The following CFAP54 variants were observed in gnomAD, a reference collection of about 807,000 sequenced individuals.
The protein encoded by CFAP54 is cilia- and flagella-associated protein 54.
CFAP54 carries 290 observed loss-of-function variants against 370.4 expected under a neutral mutation model. The observed-to-expected ratio is 0.78, with a 90% CI of 0.71 to 0.86. The LOEUF is 0.86. Ranked by LOEUF, CFAP54 falls within the 40% of genes least tolerant of loss-of-function variation. CFAP54 has a pLI of 0.00. For synonymous variants in CFAP54, 1,206 were observed against 1,236.5 expected (o/e 0.98, Z 0.52); for missense variants, 3,399 against 3,528.7 (o/e 0.96, Z 0.93).
intron 8 of CFAP54, among the ~76,000 whole-genome samples, chr12:96,523,697 T>A (rs1592830783): frequency 2.4e-5 from 1 of 41,986 alleles, no homozygotes; most frequent in Non-Finnish European, 4.9e-5. Context: ...AACAATTTTT[T>A]TTTTCTCCCC....
chr12:96,794,439 C>CT (rs35900285), intron 63 of CFAP54, among the ~76,000 whole-genome samples: 49,625 of 145,414 alleles, frequency 0.34, 8,479 homozygotes, highest in South Asian at 0.54. Flanking sequence ...TTTTTTTATT[C>CT]TTTTTTTTTT....
chr12:96,644,657 A>G (rs1237522027), intron 33 of CFAP54, among the ~76,000 whole-genome samples: 5 of 152,166 alleles, frequency 3.3e-5, no homozygotes, highest in Admixed American at 6.6e-5. Context: ...TAATCATGGT[A>G]GAAGGGGAAG....
chr12:96,812,173 T>G (rs1958934756), intron 64 of CFAP54, among the ~76,000 whole-genome samples: 1 of 152,334 alleles, frequency 6.6e-6, no homozygotes, highest in South Asian at 2.1e-4. Context: ...TCATACATGC[T>G]TCATAGAGAT....
chr12:96,538,672 C>G (rs1163897989), intron 13 of CFAP54, 154 bp downstream of exon 13: 18 of 708,298 alleles, frequency 2.5e-5, no homozygotes, highest in Non-Finnish European at 3.6e-5. Context: ...CTTTCTAGCG[C>G]TGAGTGACCC....
intron 60 of CFAP54, among the ~76,000 whole-genome samples, chr12:96,781,534 G>T (rs796565932): frequency 6.6e-5 from 10 of 152,158 alleles, no homozygotes; most frequent in African/African-American, 2.4e-4. Flanking sequence ...ACAATGAAGG[G>T]TTTGTTATGG....
chr12:96,630,621 C>A lies in CFAP54; in HGVS notation c.4286C>A (p.Pro1429Gln). ...CTAAGAGATTTCATTTTTAAAAATC[C>A]GGCTATTTCTGAAATGGTGGCACAT... ...ETLRDFIFKN[P>Q]AISEMVAHER... The change falls in exon 32 of 68, where the codon CCG (proline) becomes CAG (glutamine). Residue 1429 changes from proline (P) to glutamine (Q), a missense_variant. Physicochemically the swap from Pro to Gln is moderately conservative, Grantham distance 76. This residue lies in a region of CFAP54 where 2,796 missense variants were observed against 2,869.7 expected (regional missense o/e 0.97). Transcript: ENST00000524981. The A allele has an allele frequency of 6.7e-7, 1 of 1,494,710 alleles. No individual in the cohort carries two copies. Among genetic ancestry groups the A allele is most frequent in the Non-Finnish European group, 8.9e-7 (1 of 1,128,556 alleles). The allele number at this position is 1,494,710 out of a possible 1,614,324, so 92.6% of individuals were successfully genotyped here. A position where few individuals can be genotyped will look rare whatever the true frequency, so the allele number is the denominator to read the frequency against.
chr12:96,756,952 G>A (rs887033415), intron 57 of CFAP54, among the ~76,000 whole-genome samples: 1 of 152,118 alleles, frequency 6.6e-6, no homozygotes, highest in African/African-American at 2.4e-5. Flanking sequence ...TCTTAATTCT[G>A]TATGAATATC....
At chr12:96,556,466 A>C (rs946955748) in intron 17 of CFAP54, among the ~76,000 whole-genome samples, 2 of 151,882 alleles carry the variant, frequency 1.3e-5, no homozygotes, top group African/African-American at 4.8e-5. Flanking sequence ...CAATTGTATT[A>C]GTTTGCCATT....
intron 48 of CFAP54, among the ~76,000 whole-genome samples, chr12:96,715,765 G>A (rs117058688): frequency 0.01 from 1,565 of 152,170 alleles, 8 homozygotes; most frequent in Non-Finnish European, 0.015. Flanking sequence ...ATTGGAATTC[G>A]TTGAGATGCT....
intron 66 of CFAP54, among the ~76,000 whole-genome samples, chr12:96,831,222 A>G (rs1156530823): frequency 2.0e-5 from 3 of 152,198 alleles, no homozygotes; most frequent in Non-Finnish European, 4.4e-5. Context: ...AACCAGCAAC[A>G]AAGATTCCAC....
intron 9 of CFAP54, among the ~76,000 whole-genome samples, chr12:96,532,644 A>G (rs1955452223): frequency 6.6e-6 from 1 of 151,794 alleles, no homozygotes; most frequent in African/African-American, 2.4e-5. Context: ...TTTTTGAGAC[A>G]GGATCTCACT....
intron 63 of CFAP54, among the ~76,000 whole-genome samples, chr12:96,804,146 G>A (rs908115011): frequency 6.6e-6 from 1 of 152,000 alleles, no homozygotes; most frequent in Non-Finnish European, 1.5e-5. Context: ...AAGAATCTCA[G>A]AACTTGAATA....
At chr12:96,595,211 C>T (rs1201534255) in intron 25 of CFAP54, among the ~76,000 whole-genome samples, 3 of 152,112 alleles carry the variant, frequency 2.0e-5, no homozygotes, top group Non-Finnish European at 4.4e-5. Flanking sequence ...GGCCCTTTGC[C>T]TTTTCAAGGC....
chr12:96,729,258 G>A (rs1285332469), intron 50 of CFAP54, among the ~76,000 whole-genome samples: 1 of 152,148 alleles, frequency 6.6e-6, no homozygotes, highest in Non-Finnish European at 1.5e-5. Flanking sequence ...CTGTCTTTTT[G>A]TTTGTCTGTG....
chr12:96,603,062 T>C (rs1180003811), intron 26 of CFAP54, among the ~76,000 whole-genome samples: 1 of 152,234 alleles, frequency 6.6e-6, no homozygotes, highest in East Asian at 1.9e-4. Context: ...CAATGGTCTT[T>C]ACAATTTGGC....
chr12:96,527,165 G>A, intron 8 of CFAP54, 81 bp from the exon 9 acceptor site: 1 of 1,247,202 alleles, frequency 8.0e-7, no homozygotes, highest in Non-Finnish European at 1.1e-6. Context: ...CCAAAGTGTT[G>A]GGATTATAGG....
chr12:96,547,379 G>T lies in CFAP54; in HGVS notation c.2078-523G>T, dbSNP rs571848845. 2.2e-4 allele frequency among the ~76,000 whole-genome samples: 34 copies of T among 152,170 alleles called. No homozygotes were observed. The South Asian group carries it at 7.1e-3, about 32-fold the overall frequency. ...TTTTTGTATTTTTAGTAGAGGTGGG[G>T]TTTCATCATGTTGGCCAGGCTGGTC... On this transcript the variant is annotated intron_variant, in intron 14 of 67. Coordinates refer to ENST00000524981, the MANE Select transcript of CFAP54 (RefSeq NM_001306084.2).
chr12:96,596,842 T>C (rs1357423039), intron 25 of CFAP54, among the ~76,000 whole-genome samples: 1 of 151,974 alleles, frequency 6.6e-6, no homozygotes, highest in Non-Finnish European at 1.5e-5. Flanking sequence ...AATAACCTAA[T>C]AGAAAAATAG....
chr12:96,777,551 G>A (rs887533916), intron 60 of CFAP54, among the ~76,000 whole-genome samples: 1 of 152,108 alleles, frequency 6.6e-6, no homozygotes, highest in African/African-American at 2.4e-5. Context: ...GTTTCTCCAT[G>A]TTGGTCAGGC....
Sources: gnomAD v4.1 joint callset for allele counts (sites outside exome capture counted in the v4.1 genomes callset) on GRCh38, gnomAD v4.1.1 for gene constraint, gnomAD v4.1.1 regional missense constraint, MANE v1.5 for transcripts, NCBI Gene and HGNC (gene_info 2026-07-23, HGNC 2026-07-21) for gene names.